DOCK8: variants seen among roughly 807,000 people sequenced by gnomAD.
DOCK8 encodes the protein dedicator of cytokinesis 8.
In DOCK8, 141 loss-of-function variants were observed where a neutral mutation model predicts 245.6. The observed-to-expected ratio is 0.57, with a 90% CI of 0.50 to 0.66. The LOEUF (loss-of-function observed/expected upper bound fraction) is 0.66, where lower values mean the gene tolerates loss of function less well. DOCK8 is among the 30% of genes least tolerant of loss of function. The pLI, the probability that DOCK8 is intolerant of heterozygous loss-of-function variation, is 0.00. For missense variants in DOCK8, 2,965 were observed against 2,603.4 expected (o/e 1.14, Z -3.02); for synonymous variants, 1,168 against 970.2 (o/e 1.20, Z -3.79).
At chr9:409,818 A>C (rs1284917407) in intron 28 of DOCK8, among the ~76,000 whole-genome samples, 1 of 151,526 alleles carries the variant, frequency 6.6e-6, no homozygotes, top group African/African-American at 2.4e-5. Context: ...TCCTTGCGAT[A>C]GTTTGCTGAG....
At chr9:214,811 C>G (rs751698019), upstream of DOCK8, 3 of 1,593,902 alleles carry the variant, frequency 1.9e-6, no homozygotes, top group Admixed American at 1.7e-5. Context: ...CGGACCCTCC[C>G]CCGGGGTGAT....
At chr9:216,462 G>A (rs1410429325) in intron 1 of DOCK8, among the ~76,000 whole-genome samples, 1 of 144,040 alleles carries the variant, frequency 6.9e-6, no homozygotes, top group Admixed American at 7.2e-5. Flanking sequence ...CTTGAGCCCA[G>A]GAGGATCACA....
At chr9:368,503 CACTG>C in intron 15 of DOCK8, 1 of 582,960 alleles carries the variant, frequency 1.7e-6, no homozygotes. Flanking sequence ...AAACTGTACA[CACTG>C]TGTTATACAC....
At chr9:448,312 T>A (rs1306844643) in intron 44 of DOCK8, among the ~76,000 whole-genome samples, 1 of 152,212 alleles carries the variant, frequency 6.6e-6, no homozygotes, top group Non-Finnish European at 1.5e-5. Flanking sequence ...CTTACTTTGT[T>A]GCCCAGTCTG....
chr9:344,119 G>A (rs1035527235), intron 14 of DOCK8, among the ~76,000 whole-genome samples: 9 of 152,020 alleles, frequency 5.9e-5, no homozygotes, highest in Admixed American at 4.6e-4. Flanking sequence ...AAGTGCCAAG[G>A]ACACCCCGTT....
At chr9:256,011 C>T (rs1335168947) in intron 1 of DOCK8, among the ~76,000 whole-genome samples, 1 of 152,126 alleles carries the variant, frequency 6.6e-6, no homozygotes, top group Non-Finnish European at 1.5e-5. Flanking sequence ...AATGTAGTCT[C>T]ATTTATTAAG....
At chr9:331,873 C>A (rs765516246) in intron 9 of DOCK8, among the ~76,000 whole-genome samples, 1 of 152,164 alleles carries the variant, frequency 6.6e-6, no homozygotes, top group Non-Finnish European at 1.5e-5. Context: ...ACAAGGGAGA[C>A]AATTACAGAT....
chr9:297,773 T>C (rs1317502352), intron 4 of DOCK8, among the ~76,000 whole-genome samples: 1 of 152,186 alleles, frequency 6.6e-6, no homozygotes, highest in Non-Finnish European at 1.5e-5. Flanking sequence ...GCTTTGAGAC[T>C]TTCTGAGATT....
intron 14 of DOCK8, among the ~76,000 whole-genome samples, chr9:343,839 T>C (rs1351215146): frequency 1.3e-5 from 2 of 152,210 alleles, no homozygotes; most frequent in Non-Finnish European, 2.9e-5. Context: ...GAGACTTGCA[T>C]CCAATGAATT....
intron 29 of DOCK8, among the ~76,000 whole-genome samples, chr9:417,112 TGGCGAAACCC>T (rs1157161136): frequency 1.3e-5 from 2 of 152,140 alleles, no homozygotes; most frequent in Non-Finnish European, 2.9e-5. Context: ...CTGGCCAACA[TGGCGAAACCC>T]TGTCTCCACT....
chr9:387,048 G>GA (rs1401266407), intron 23 of DOCK8, among the ~76,000 whole-genome samples: 2 of 151,740 alleles, frequency 1.3e-5, no homozygotes, highest in African/African-American at 4.8e-5. Flanking sequence ...GGGATGGAGG[G>GA]AAAAAAAACT....
intron 45 of DOCK8, among the ~76,000 whole-genome samples, chr9:451,613 A>C (rs1489653466): frequency 6.6e-6 from 1 of 152,094 alleles, no homozygotes; most frequent in Non-Finnish European, 1.5e-5. Context: ...ATAGAGCGAG[A>C]CCCTGTCTAA....
chr9:370,543 T>C (rs1370118180), intron 16 of DOCK8, among the ~76,000 whole-genome samples: 1 of 152,186 alleles, frequency 6.6e-6, no homozygotes, highest in Non-Finnish European at 1.5e-5. Context: ...AAGCTTCTAT[T>C]CTAGTATGAT....
intron 3 of DOCK8, 112 bp from the exon 4 acceptor site, chr9:289,398 C>T: frequency 4.8e-6 from 4 of 828,490 alleles, no homozygotes; most frequent in Non-Finnish European, 6.2e-6. Flanking sequence ...ACATCCTAAG[C>T]ATTCTCACTG....
rs1306822513 is a variant in DOCK8 at position 365,284 on chromosome 9, A to G, written c.1680-2734A>G. Among the ~76,000 whole-genome samples the G allele has an allele frequency of 2.6e-5, 4 of 152,246 alleles. No individual in the cohort carries two copies. The East Asian group carries it at 7.7e-4, about 29-fold the overall frequency. ...GTCCAGGTGAGAATGAGGATGGTTC[A>G]GAGTGGAGAGACAGGGACAAGGTAA... On this transcript the variant is annotated intron_variant, in intron 14 of 47. Coordinates refer to ENST00000432829, the MANE Select transcript of DOCK8 (RefSeq NM_203447.4).
At chr9:395,622 A>G (rs1445361354) in intron 24 of DOCK8, among the ~76,000 whole-genome samples, 1 of 152,090 alleles carries the variant, frequency 6.6e-6, no homozygotes, top group Non-Finnish European at 1.5e-5. Flanking sequence ...TTCAGAGTGT[A>G]GGGACCCAAC....
intron 46 of DOCK8, among the ~76,000 whole-genome samples, chr9:459,407 C>G (rs1274552515): frequency 6.6e-6 from 1 of 152,086 alleles, no homozygotes; most frequent in African/African-American, 2.4e-5. Flanking sequence ...GTTTTTTACT[C>G]CAGCTATTAA....
intron 7 of DOCK8, among the ~76,000 whole-genome samples, chr9:324,190 A>T (rs1349419939): frequency 6.6e-6 from 1 of 152,212 alleles, no homozygotes; most frequent in Admixed American, 6.5e-5. Context: ...ATGATTCCAA[A>T]TTGCCTCATT....
chr9:450,608 C>T (rs1322085867), intron 45 of DOCK8, among the ~76,000 whole-genome samples: 1 of 152,102 alleles, frequency 6.6e-6, no homozygotes, highest in East Asian at 1.9e-4. Flanking sequence ...ATTCAGTGAG[C>T]ATCATGAGTC....
Sources: gnomAD v4.1 joint callset for allele counts (sites outside exome capture counted in the v4.1 genomes callset) on GRCh38, gnomAD v4.1.1 for gene constraint, MANE v1.5 for transcripts, NCBI Gene and HGNC (gene_info 2026-07-23, HGNC 2026-07-21) for gene names.